The following FRMPD4 variants were observed in gnomAD, a reference collection of about 807,000 sequenced individuals.
FRMPD4 encodes the protein FERM and PDZ domain-containing protein 4.
FRMPD4 carries 22 observed loss-of-function variants against 94.1 expected under a neutral mutation model. The observed-to-expected ratio is 0.23, with a 90% CI of 0.17 to 0.33. The LOEUF is 0.33. Ranked by LOEUF, FRMPD4 falls within the 10% of genes least tolerant of loss-of-function variation. The probability of loss-of-function intolerance (pLI) is 1.00; values close to 1 mark genes in which losing one functional copy is unlikely to be tolerated. For synonymous variants in FRMPD4, 631 were observed against 548.6 expected (o/e 1.15, Z -2.10); for missense variants, 1,111 against 1,339.9 (o/e 0.83, Z 2.67).
intron 1 of FRMPD4, among the ~76,000 whole-genome samples, chrX:12,163,578 A>G (rs2056062471): frequency 9.1e-6 from 1 of 110,429 alleles, no homozygotes; most frequent in Admixed American, 9.7e-5. Flanking sequence ...AACTGCAGCC[A>G]TTAGGGTTTT....
chrX:12,502,219 T>G (rs1267505234), intron 2 of FRMPD4, among the ~76,000 whole-genome samples: 5 of 112,405 alleles, frequency 4.4e-5, no homozygotes, highest in African/African-American at 1.6e-4. Context: ...CAGAAATGAT[T>G]AACTCCATTT....
At chrX:12,339,248 ATT>A (rs1348441879) in intron 1 of FRMPD4, among the ~76,000 whole-genome samples, 3 of 112,063 alleles carry the variant, frequency 2.7e-5, no homozygotes, top group Non-Finnish European at 5.6e-5. Flanking sequence ...GTTCCAAGGC[ATT>A]TTTCTCATAT....
intron 3 of FRMPD4, among the ~76,000 whole-genome samples, chrX:11,933,962 T>C (rs2054136184): frequency 1.8e-5 from 2 of 112,218 alleles, no homozygotes; most frequent in Admixed American, 1.9e-4. Context: ...AATTTTTATT[T>C]CAGTTAAATA....
intron 1 of FRMPD4, among the ~76,000 whole-genome samples, chrX:12,340,621 G>T (rs190520744): frequency 3.9e-4 from 43 of 111,280 alleles, no homozygotes; most frequent in African/African-American, 1.4e-3. Flanking sequence ...GTAAGGCAAG[G>T]TCTGCACCAT....
chrX:12,697,524 G>A (rs763050560), intron 9 of FRMPD4, among the ~76,000 whole-genome samples: 4 of 112,477 alleles, frequency 3.6e-5, no homozygotes, highest in Non-Finnish European at 5.6e-5. Context: ...TAAACATCAC[G>A]AGTCCATTGC....
chrX:12,164,958 C>G lies in FRMPD4; in HGVS notation c.41+25946C>G, dbSNP rs1473079253. Reference sequence around the variant, plus strand: ...TAGATTCTGGATATTAGCCCTTTGTCAGATGAGTAGGTTGCAAAAATTTTC... The same window carrying G: ...TAGATTCTGGATATTAGCCCTTTGTGAGATGAGTAGGTTGCAAAAATTTTC... On this transcript the variant is annotated intron_variant, in intron 1 of 16. Coordinates refer to ENST00000675598, the MANE Select transcript of FRMPD4 (RefSeq NM_001368397.1). 1.1e-4 allele frequency among the ~76,000 whole-genome samples: 12 copies of G among 111,929 alleles called. No homozygotes were observed. In the South Asian group the frequency reaches 1.1e-3, roughly 10 times the overall value.
intron 2 of FRMPD4, among the ~76,000 whole-genome samples, chrX:12,557,391 G>C (rs770226534): frequency 1.8e-5 from 2 of 111,982 alleles, no homozygotes; most frequent in South Asian, 7.5e-4. Context: ...ATCCAGACAA[G>C]GGAAGGCTTC....
chrX:12,291,233 A>T (rs182251880), intron 1 of FRMPD4, among the ~76,000 whole-genome samples: 139 of 112,301 alleles, frequency 1.2e-3, no homozygotes, highest in Non-Finnish European at 2.3e-3. Context: ...GCACGGTAAC[A>T]TTTGTCAGTA....
intron 1 of FRMPD4, among the ~76,000 whole-genome samples, chrX:12,309,109 A>G (rs1249007053): frequency 8.9e-6 from 1 of 112,326 alleles, no homozygotes; most frequent in Non-Finnish European, 1.9e-5. Context: ...ATTGCATGAC[A>G]TATGCCATTG....
intron 1 of FRMPD4, among the ~76,000 whole-genome samples, chrX:12,428,892 A>G (rs2056981778): frequency 9.0e-6 from 1 of 111,198 alleles, no homozygotes; most frequent in African/African-American, 3.3e-5. Flanking sequence ...GTCTGCTCAT[A>G]TTGAAAATGA....
intron 3 of FRMPD4, among the ~76,000 whole-genome samples, chrX:12,118,731 G>T (rs1307271557): frequency 8.9e-6 from 1 of 112,006 alleles, no homozygotes; most frequent in African/African-American, 3.2e-5. Context: ...ACTAGCTGAT[G>T]TAAAGAAGAG....
chrX:12,383,711 C>G (rs2056359042), intron 1 of FRMPD4, among the ~76,000 whole-genome samples: 1 of 111,336 alleles, frequency 9.0e-6, no homozygotes, highest in Non-Finnish European at 1.9e-5. Flanking sequence ...AGTAAAGGTG[C>G]TCCAGGCTCC....
intron 3 of FRMPD4, among the ~76,000 whole-genome samples, chrX:12,612,091 T>C (rs897779636): frequency 5.4e-5 from 6 of 111,871 alleles, no homozygotes; most frequent in African/African-American, 1.3e-4. Flanking sequence ...TAGATGTATG[T>C]ATGTATATGC....
intron 1 of FRMPD4, among the ~76,000 whole-genome samples, chrX:12,161,992 C>T (rs1299532299): frequency 9.0e-6 from 1 of 111,414 alleles, no homozygotes. Context: ...TATCGCTTTC[C>T]TTCATTTGGA....
intron 1 of FRMPD4, among the ~76,000 whole-genome samples, chrX:12,300,856 T>C (rs1162656542): frequency 6.3e-5 from 7 of 111,393 alleles, no homozygotes; most frequent in African/African-American, 2.0e-4. Context: ...GAATAGATGA[T>C]TGGATCCAAG....
At chrX:11,828,163 A>T (rs771039370) in intron 1 of FRMPD4, among the ~76,000 whole-genome samples, 1 of 112,319 alleles carries the variant, frequency 8.9e-6, no homozygotes, top group South Asian at 3.7e-4. Flanking sequence ...AGTATCTAAA[A>T]TGTTCCTAGT....
chrX:12,549,868 T>C (rs781395769), intron 2 of FRMPD4, among the ~76,000 whole-genome samples: 5 of 112,398 alleles, frequency 4.4e-5, no homozygotes, highest in African/African-American at 1.6e-4. Context: ...AAGAAAGCTT[T>C]TTCATGCTCC....
intron 4 of FRMPD4, among the ~76,000 whole-genome samples, chrX:12,634,619 G>A (rs1266569998): frequency 2.7e-5 from 3 of 111,065 alleles, no homozygotes; most frequent in Non-Finnish European, 3.8e-5. Flanking sequence ...ATAATAAAAA[G>A]TACCAAATTT....
At chrX:12,205,779 G>T (rs911227214) in intron 1 of FRMPD4, among the ~76,000 whole-genome samples, 7 of 111,937 alleles carry the variant, frequency 6.3e-5, no homozygotes, top group Non-Finnish European at 1.1e-4. Flanking sequence ...CCCTTTCATT[G>T]CAGGAATGAA....
Sources: gnomAD v4.1 joint callset for allele counts (sites outside exome capture counted in the v4.1 genomes callset) on GRCh38, gnomAD v4.1.1 for gene constraint, MANE v1.5 for transcripts, NCBI Gene and HGNC (gene_info 2026-07-23, HGNC 2026-07-21) for gene names.